The following UPK3A variants were observed in gnomAD, a reference collection of about 807,000 sequenced individuals.
The protein encoded by UPK3A is uroplakin 3A.
UPK3A carries 32 observed loss-of-function variants against 27.6 expected under a neutral mutation model. The ratio of observed to expected loss-of-function variants is 1.16; its 90% confidence interval spans 0.87 to 1.55. UPK3A has a LOEUF of 1.55. UPK3A is among the 40% of genes most tolerant of loss of function. The pLI is 0.00. For synonymous variants in UPK3A, 171 were observed against 163.9 expected (o/e 1.04, Z -0.33); for missense variants, 370 against 367.9 (o/e 1.01, Z -0.05).
At chr22:45,290,072 C>T (rs2084149501) in intron 4 of UPK3A, among the ~76,000 whole-genome samples, 1 of 152,228 alleles carries the variant, frequency 6.6e-6, no homozygotes, top group Non-Finnish European at 1.5e-5. Context: ...AGGAACCGCT[C>T]TCCTTCCCTG....
chr22:45,291,685 G>A (rs373670361), intron 4 of UPK3A, among the ~76,000 whole-genome samples: 211 of 149,508 alleles, frequency 1.4e-3, no homozygotes, highest in Middle Eastern at 0.011. Context: ...TGGTATGTGT[G>A]GTGTCTGGTG....
chr22:45,292,123 C>T (rs1482318222), intron 4 of UPK3A, among the ~76,000 whole-genome samples: 2 of 152,222 alleles, frequency 1.3e-5, no homozygotes. Context: ...CTGCCCCTCA[C>T]TGCGGTGTGA....
At chr22:45,285,460 G>T (rs1239442445) in intron 1 of UPK3A, among the ~76,000 whole-genome samples, 1 of 152,192 alleles carries the variant, frequency 6.6e-6, no homozygotes, top group African/African-American at 2.4e-5. Context: ...GGAGCCTGGG[G>T]TGAGGGGAGC....
chr22:45,293,385 C>T, intron 5 of UPK3A, 72 bp downstream of exon 5: 1 of 1,591,492 alleles, frequency 6.3e-7, no homozygotes, highest in Non-Finnish European at 8.6e-7. Context: ...AGGGACTCAG[C>T]AGTGGGGTCC....
Position 45,285,006 on chromosome 22 carries a change from C to G in UPK3A, c.-8C>G, listed in dbSNP as rs1202553104. On this transcript the variant is annotated 5_prime_UTR_variant, in exon 1 of 6. Coordinates refer to ENST00000216211, the MANE Select transcript of UPK3A (RefSeq NM_006953.4). The stretch of plus-strand genomic sequence containing the variant: ...CCCGCCCCGCGCTCTGGCGGCTCCT[C>G]CCGGGCGATGCCTCCGCTCTGGGCC... 1 of 1,530,980 alleles carries G rather than the reference C, an allele frequency of 6.5e-7. No individual in the cohort carries two copies. The allele number at this position is 1,530,980 out of a possible 1,614,324, so 94.8% of individuals were successfully genotyped here.
intron 4 of UPK3A, 90 bp from the exon 5 acceptor site, chr22:45,293,091 G>A: frequency 2.5e-6 from 4 of 1,577,670 alleles, no homozygotes; most frequent in Middle Eastern, 3.4e-4. Flanking sequence ...ATCCCCGGCA[G>A]CCAGGGCGGG....
At position 45,287,164 on chromosome 22, in the gene UPK3A, C is replaced by A. The variant is rs1358241721; in HGVS notation, c.209-8C>A. The A allele has an allele frequency of 2.5e-6, 4 of 1,614,010 alleles. No individual in the cohort carries two copies. The highest frequency in any genetic ancestry group is 1.1e-5 in the South Asian group (1 of 91,084). On this transcript the variant is annotated splice_region_variant and splice_polypyrimidine_tract_variant and intron_variant, in intron 2 of 5. Transcript: ENST00000216211. ...CCAGAAGCCTGACTCCCTGCACCGCCTCTGCAGCCATTTCCAGGAATGCCT... is the reference window on the plus strand; with the variant it reads ...CCAGAAGCCTGACTCCCTGCACCGCATCTGCAGCCATTTCCAGGAATGCCT...
rs57040686 is a variant in UPK3A, at chr22:45,293,099, G to C, written c.572-82G>C. 64 of 1,588,770 alleles carry C rather than the reference G, an allele frequency of 4.0e-5. 1 individual carries two copies. The highest frequency in any genetic ancestry group is 3.9e-4 in the African/African-American group (29 of 74,488). On this transcript the variant is annotated intron_variant, in intron 4 of 5. Coordinates refer to ENST00000216211, the MANE Select transcript of UPK3A (RefSeq NM_006953.4). ...TCCCTGGATCCCCGGCAGCCAGGGC[G>C]GGGGAGACACCCGCCGCCTCCTGGG...
chr22:45,287,465 A>G lies in UPK3A; in HGVS notation c.488+14A>G. 1 of 1,581,110 alleles carries G rather than the reference A, an allele frequency of 6.3e-7. No individual in the cohort carries two copies. The highest frequency in any genetic ancestry group is 8.6e-7 in the Non-Finnish European group (1 of 1,163,702). On this transcript the variant is annotated intron_variant, in intron 3 of 5. Transcript: ENST00000216211. ...CACGGAGTACAGGTGGGTGTAAACAAACCACTACAGGAGAGCCGCGGCAGT... is the reference window on the plus strand; with the variant it reads ...CACGGAGTACAGGTGGGTGTAAACAGACCACTACAGGAGAGCCGCGGCAGT...
intron 1 of UPK3A, among the ~76,000 whole-genome samples, chr22:45,285,335 C>A (rs561921464): frequency 6.6e-6 from 1 of 152,238 alleles, no homozygotes; most frequent in African/African-American, 2.4e-5. Flanking sequence ...CCCATGGTGA[C>A]GCCTGGACGG....
At chr22:45,289,938 G>A (rs1386720137) in intron 4 of UPK3A, among the ~76,000 whole-genome samples, 2 of 152,122 alleles carry the variant, frequency 1.3e-5, no homozygotes, top group South Asian at 2.1e-4. Context: ...GGCCTCAAAG[G>A]CACGCGGAGC....
chr22:45,286,031 T>C lies in UPK3A; in HGVS notation c.143T>C (p.Met48Thr), dbSNP rs754792811. The change falls in exon 2 of 6, where the codon ATG (methionine) becomes ACG (threonine). Residue 48 changes from methionine to threonine, a missense_variant. Physicochemically the swap from Met to Thr is moderately conservative, Grantham distance 81 (BLOSUM62 -1). Coordinates refer to ENST00000216211, the MANE Select transcript of UPK3A (RefSeq NM_006953.4). ...GTGGCCTTGGAAAAGCCTCTCTGCA[T>C]GTTTGACAGCAAAGAGGCCCTCACT... is the stretch of plus-strand genomic sequence containing the variant. ...TTVALEKPLC[M>T]FDSKEALTGT... The C allele has an allele frequency of 8.7e-6, 14 of 1,614,058 alleles. No homozygotes were observed. The African/African-American group carries it at 1.6e-4, about 18-fold the overall frequency.
Position 45,295,455 on chromosome 22 carries a change from G to T in UPK3A, c.705-105G>T. 12 of 1,230,008 alleles carry T rather than the reference G, an allele frequency of 9.8e-6. No homozygotes were observed. The South Asian group carries it at 1.3e-4, about 14-fold the overall frequency. The allele number at this position is 1,230,008 out of a possible 1,614,324, so 76.2% of individuals were successfully genotyped here. On this transcript the variant is annotated intron_variant, in intron 5 of 5. Transcript: ENST00000216211. ...TGATTGAATTCATGTCTACGAAGAC[G>T]ATATCTGTGAAAGCTATGTCTGAGT... is the stretch of plus-strand genomic sequence containing the variant.
At chr22:45,285,829 G>T (rs923681743) in intron 1 of UPK3A, 112 bp from the exon 2 acceptor site, 4 of 1,494,654 alleles carry the variant, frequency 2.7e-6, no homozygotes. Flanking sequence ...GGTGGCCCAG[G>T]GGGAGGGTGA....
chr22:45,291,473 G>C (rs973397906), intron 4 of UPK3A, among the ~76,000 whole-genome samples: 4 of 147,534 alleles, frequency 2.7e-5, no homozygotes, highest in African/African-American at 1.0e-4. Flanking sequence ...GTGTGAGTTT[G>C]AGTTGTGTGA....
intron 5 of UPK3A, among the ~76,000 whole-genome samples, chr22:45,294,877 C>T (rs2084184721): frequency 4.0e-5 from 6 of 149,888 alleles, no homozygotes; most frequent in South Asian, 2.1e-4. Flanking sequence ...TCTTCCCCTA[C>T]GCTCCTTTTT....
At chr22:45,289,212 G>C (rs2084141950) in intron 4 of UPK3A, 69 bp downstream of exon 4, 12 of 1,506,522 alleles carry the variant, frequency 8.0e-6, no homozygotes, top group Non-Finnish European at 1.1e-5. Flanking sequence ...CCACGGCGGT[G>C]AGAACCAAGG....
chr22:45,288,962 C>T (rs1008119050), intron 3 of UPK3A, 99 bp from the exon 4 acceptor site: 65 of 1,157,714 alleles, frequency 5.6e-5, no homozygotes, highest in South Asian at 2.8e-4. Context: ...CCCCCGCTGC[C>T]GTCTCCCACC....
At chr22:45,289,577 C>CAAA (rs77091115) in intron 4 of UPK3A, among the ~76,000 whole-genome samples, 13,661 of 79,748 alleles carry the variant, frequency 0.17, 934 homozygotes, top group East Asian at 0.24. Flanking sequence ...GACTCCGTCT[C>CAAA]AAAAAAAAAA....
Sources: allele counts gnomAD v4.1 joint callset (sites outside exome capture counted in the v4.1 genomes callset), GRCh38; gene constraint gnomAD v4.1.1; transcripts MANE v1.5; gene names NCBI Gene and HGNC (gene_info 2026-07-23, HGNC 2026-07-21).